Variants in DRD2 observed in about 807,000 individuals in gnomAD.
The protein encoded by DRD2 is dopamine receptor D2, also known as D(2) dopamine receptor.
A neutral mutation model predicts 38.0 loss-of-function variants in DRD2; 8 were observed. The ratio of observed to expected loss-of-function variants is 0.21; its 90% CI spans 0.12 to 0.38. The LOEUF (loss-of-function observed/expected upper bound fraction) is 0.38. DRD2 is among the 10% of genes least tolerant of loss of function. The pLI is 1.00. For missense variants in DRD2, 403 were observed against 607.7 expected (o/e 0.66, Z 3.54); for synonymous variants, 230 against 238.6 (o/e 0.96, Z 0.33).
At chr11:113,453,811 C>A (rs1951240051) in intron 1 of DRD2, among the ~76,000 whole-genome samples, 1 of 152,194 alleles carries the variant, frequency 6.6e-6, no homozygotes, top group Non-Finnish European at 1.5e-5. Flanking sequence ...TCCTCTGCAC[C>A]TTTTACTCTA....
chr11:113,420,565 G>A (rs1005972513), intron 2 of DRD2, among the ~76,000 whole-genome samples: 1 of 152,212 alleles, frequency 6.6e-6, no homozygotes, highest in Admixed American at 6.5e-5. Context: ...ACTCATAGGT[G>A]AGGGAACTGA....
At chr11:113,420,771 G>A (rs1337752261) in intron 2 of DRD2, among the ~76,000 whole-genome samples, 5 of 152,154 alleles carry the variant, frequency 3.3e-5, no homozygotes, top group Admixed American at 1.3e-4. Context: ...TTATTTCAAG[G>A]GTGGACAAAA....
chr11:113,433,661 C>A (rs940568789), intron 1 of DRD2, among the ~76,000 whole-genome samples: 1 of 152,182 alleles, frequency 6.6e-6, no homozygotes, highest in Non-Finnish European at 1.5e-5. Context: ...GTCTAGGTTT[C>A]TTTAGAAGGC....
intron 1 of DRD2, among the ~76,000 whole-genome samples, chr11:113,454,369 T>G (rs1023157463): frequency 6.6e-6 from 1 of 151,740 alleles, no homozygotes; most frequent in Admixed American, 6.6e-5. Flanking sequence ...TAATAATTAT[T>G]ATATATATAC....
At chr11:113,427,345 C>T (rs1271358992) in intron 1 of DRD2, among the ~76,000 whole-genome samples, 1 of 152,004 alleles carries the variant, frequency 6.6e-6, no homozygotes, top group Non-Finnish European at 1.5e-5. Flanking sequence ...TCTTAGAATC[C>T]ACCCATATCC....
intron 2 of DRD2, among the ~76,000 whole-genome samples, chr11:113,421,707 T>G (rs967458736): frequency 1.3e-5 from 2 of 152,146 alleles, no homozygotes; most frequent in Admixed American, 1.3e-4. Flanking sequence ...AAAATCTGGA[T>G]GACAAGAGCA....
At chr11:113,418,169 A>G in intron 2 of DRD2, 33 bp from the exon 3 acceptor site, 1 of 1,568,874 alleles carries the variant, frequency 6.4e-7, no homozygotes, top group Non-Finnish European at 8.8e-7. Flanking sequence ...GATGGACAGC[A>G]GGAGTGGGAG....
At chr11:113,428,992 A>T (rs1452429018) in intron 1 of DRD2, among the ~76,000 whole-genome samples, 2 of 152,162 alleles carry the variant, frequency 1.3e-5, no homozygotes, top group Non-Finnish European at 2.9e-5. Context: ...GTGAGCATTC[A>T]TTCTCTGGAG....
In DRD2 at chr11:113,415,485, C is replaced by A; in HGVS notation, c.659G>T (p.Arg220Leu). The change falls in exon 5 of 8, where the codon CGC becomes CTC. Residue 220 changes from arginine to leucine, a missense_variant. Arg to Leu is a moderately radical substitution (Grantham distance 102, BLOSUM62 -2). This residue lies in a region of DRD2 where 166 missense variants were observed against 178.6 expected (regional missense o/e 0.93). Coordinates refer to ENST00000362072, the MANE Select transcript of DRD2 (RefSeq NM_000795.4). Reference sequence around the variant, plus strand: ...GCTGCGTTTGGTGTTGACTCGCTTGCGGCGTCTGCGGAGGACAATGTAGAT... The same window carrying A: ...GCTGCGTTTGGTGTTGACTCGCTTGAGGCGTCTGCGGAGGACAATGTAGAT... Reference protein sequence around the residue: ...IKIYIVLRRRRKRVNTKRSSR... With the variant: ...IKIYIVLRRRLKRVNTKRSSR... The A allele has an allele frequency of 6.2e-7, 1 of 1,614,038 alleles. No individual in the cohort carries two copies. Among genetic ancestry groups the A allele is most frequent in the Non-Finnish European group, 8.5e-7 (1 of 1,179,982 alleles).
chr11:113,441,902 C>A (rs1234389751), intron 1 of DRD2, among the ~76,000 whole-genome samples: 1 of 150,894 alleles, frequency 6.6e-6, no homozygotes, highest in East Asian at 1.9e-4. Flanking sequence ...GAGCTGAGAT[C>A]GCACCACTGC....
At chr11:113,446,856 C>T (rs1951155639) in intron 1 of DRD2, among the ~76,000 whole-genome samples, 1 of 152,202 alleles carries the variant, frequency 6.6e-6, no homozygotes, top group Non-Finnish European at 1.5e-5. Flanking sequence ...GAGGCCAACA[C>T]TGACAGTAAG....
chr11:113,443,411 C>A (rs753276867), intron 1 of DRD2, among the ~76,000 whole-genome samples: 2 of 152,184 alleles, frequency 1.3e-5, no homozygotes, highest in African/African-American at 4.8e-5. Context: ...GGGTATCCAG[C>A]GCATTTTAGC....
intron 1 of DRD2, among the ~76,000 whole-genome samples, chr11:113,427,667 G>A (rs1950952331): frequency 6.6e-6 from 1 of 152,166 alleles, no homozygotes; most frequent in Non-Finnish European, 1.5e-5. Flanking sequence ...AAAGGCACCT[G>A]CTAACATAGG....
intron 1 of DRD2, among the ~76,000 whole-genome samples, chr11:113,452,464 GT>G (rs1951221494): frequency 1.1e-5 from 1 of 92,452 alleles, no homozygotes; most frequent in Non-Finnish European, 2.4e-5. Context: ...GTGTGTGTGT[GT>G]GTGTGCGCGC....
Position 113,410,891 on chromosome 11 carries a change from A to C in DRD2, c.1168T>G (p.Phe390Val). Residue 390 changes from phenylalanine to valine, a missense_variant, in exon 8 of 8, where the codon TTC becomes GTC. By Grantham distance (50) the Phe-to-Val change is conservative (BLOSUM62 -1). Around this residue, in one of 4 missense-constraint regions of DRD2, gnomAD observed 67 missense variants for 136.1 expected, o/e 0.49. Coordinates refer to ENST00000362072, the MANE Select transcript of DRD2 (RefSeq NM_000795.4). ...TGTATGTTCAGGATGTGTGTGATGA[A>C]GAAGGGCAGCCAGCAGATGATGAAC... ...GVFIICWLPFFITHILNIHCD... is the reference protein window; with the variant it reads ...GVFIICWLPFVITHILNIHCD... The C allele has an allele frequency of 6.2e-7, 1 of 1,611,572 alleles. No individual in the cohort carries two copies. Among genetic ancestry groups the C allele is most frequent in the Middle Eastern group, 1.7e-4 (1 of 6,050 alleles).
At chr11:113,452,822 AT>A (rs931424388) in intron 1 of DRD2, among the ~76,000 whole-genome samples, 8 of 148,680 alleles carry the variant, frequency 5.4e-5, no homozygotes, top group South Asian at 2.1e-4. Context: ...TAATTTTTGT[AT>A]TTTTTTTTAG....
chr11:113,452,469 T>TGTGTGTGTGTGTGC lies in DRD2; in HGVS notation c.-32+22606_-32+22607insGCACACACACACAC, dbSNP rs1210531875. Reference sequence around the variant, plus strand: ...GTGTGTGTGTGTGTGTGTGTGTGTGTGCGCGCGCGCGCGCGCGCACATTGG... The same window carrying TGTGTGTGTGTGTGC: ...GTGTGTGTGTGTGTGTGTGTGTGTGTGTGTGTGTGTGTGCGCGCGCGCGCGCGCGCGCACATTGG... On this transcript the variant is annotated intron_variant, in intron 1 of 7. Coordinates refer to ENST00000362072, the MANE Select transcript of DRD2 (RefSeq NM_000795.4). 5.3e-3 allele frequency among the ~76,000 whole-genome samples: 634 copies of TGTGTGTGTGTGTGC among 118,730 alleles called. 1 individual carries two copies. Among genetic ancestry groups the TGTGTGTGTGTGTGC allele is most frequent in the African/African-American group, 0.022 (597 of 27,654 alleles). 77.9% of individuals were successfully genotyped at this position (118,730 alleles called of 152,430 possible).
chr11:113,435,173 CG>C (rs1261179301), intron 1 of DRD2, among the ~76,000 whole-genome samples: 4 of 152,100 alleles, frequency 2.6e-5, no homozygotes, highest in African/African-American at 9.7e-5. Context: ...GGGTCTGCAG[CG>C]GGGTGAGGCA....
chr11:113,415,480 G>A lies in DRD2; in HGVS notation c.664C>T (p.Arg222Ter). 1.2e-6 allele frequency: 2 copies of A among 1,614,136 alleles called. No individual in the cohort carries two copies. The highest frequency in any genetic ancestry group is 1.7e-6 in the Non-Finnish European group (2 of 1,180,018). ...IYIVLRRRRK[R>*]VNTKRSSRAF... ...CGGCTGCTGCGTTTGGTGTTGACTCGCTTGCGGCGTCTGCGGAGGACAATG... is the reference window on the plus strand; with the variant it reads ...CGGCTGCTGCGTTTGGTGTTGACTCACTTGCGGCGTCTGCGGAGGACAATG... The change falls in exon 5 of 8, where the codon CGA (arginine) becomes TGA (stop). Residue 222 changes from arginine to a stop codon, truncating the protein, a stop_gained. Coordinates refer to ENST00000362072, the MANE Select transcript of DRD2 (RefSeq NM_000795.4). LOFTEE classifies it high-confidence loss of function.
Sources: gnomAD v4.1 joint callset for allele counts (sites outside exome capture counted in the v4.1 genomes callset) on GRCh38, gnomAD v4.1.1 for gene constraint, gnomAD v4.1.1 regional missense constraint, MANE v1.5 for transcripts, NCBI Gene and HGNC (gene_info 2026-07-23, HGNC 2026-07-21) for gene names.